Variants in WDR70 observed in about 807,000 individuals in gnomAD.
The protein encoded by WDR70 is WD repeat domain 70.
WDR70 carries 53 observed loss-of-function variants against 88.6 expected under a neutral mutation model. The ratio of observed to expected loss-of-function variants is 0.60; its 90% confidence interval spans 0.48 to 0.75. The LOEUF is 0.75. WDR70 is among the 30% of genes least tolerant of loss of function. The pLI, the probability that WDR70 is intolerant of heterozygous loss-of-function variation, is 0.00. For synonymous variants in WDR70, 280 were observed against 270.0 expected, an observed-to-expected ratio of 1.04 and a Z score of -0.36; for missense variants, 610 against 823.2, an observed-to-expected ratio of 0.74 and a Z score of 3.17.
rs3776596 is a variant in WDR70, at chr5:37,437,736, C to T, written c.493-186C>T. On this transcript the variant is annotated intron_variant, in intron 5 of 17. Transcript: ENST00000265107. ...TTTAAAATCAGTTTATCATCAGAGA[C>T]CCATTGTAGTGTATCTAGAAGTGTA... Among the ~76,000 whole-genome samples the T allele has an allele frequency of 4.6e-5, 7 of 152,090 alleles. No individual in the cohort carries two copies. In the East Asian group the frequency reaches 1.3e-3, roughly 29 times the overall value.
Position 37,717,993 on chromosome 5 carries a change from G to C in WDR70, c.1417-3122G>C, listed in dbSNP as rs4443441. On this transcript the variant is annotated intron_variant, in intron 13 of 17. Coordinates refer to ENST00000265107, the MANE Select transcript of WDR70 (RefSeq NM_018034.4). ...CCTTAAGTATCCTCTGCCTAAATCAGATTGCTCACTGGCCTCTCATTTGCT... is the reference window on the plus strand; with the variant it reads ...CCTTAAGTATCCTCTGCCTAAATCACATTGCTCACTGGCCTCTCATTTGCT... Among the ~76,000 whole-genome samples the C allele has an allele frequency of 2.6e-5, 4 of 152,186 alleles. No individual in the cohort carries two copies. In the South Asian group the frequency reaches 8.3e-4, roughly 31 times the overall value.
At chr5:37,703,948 G>A (rs1463944594) in intron 13 of WDR70, among the ~76,000 whole-genome samples, 3 of 152,120 alleles carry the variant, frequency 2.0e-5, no homozygotes, top group Non-Finnish European at 4.4e-5. Context: ...TTTGTAAACA[G>A]TTGAGACATA....
Position 37,557,232 on chromosome 5 carries a change from GA to G in WDR70, c.917+40657del, listed in dbSNP as rs11372077. Among the ~76,000 whole-genome samples, 331 of 123,800 alleles carry G rather than the reference GA, an allele frequency of 2.7e-3. 1 individual carries two copies. Among genetic ancestry groups the G allele is most frequent in the African/African-American group, 5.9e-3 (217 of 36,730 alleles). 81.2% of individuals were successfully genotyped at this position (123,800 alleles called of 152,430 possible). On this transcript the variant is annotated intron_variant, in intron 9 of 17. Coordinates refer to ENST00000265107, the MANE Select transcript of WDR70 (RefSeq NM_018034.4). The stretch of plus-strand genomic sequence containing the variant: ...ATCTGTGAAGTTCATTTAAAAAAAT[GA>G]AAAAAAAAAAAAAAGGTTAGCAAAA...
chr5:37,589,287 C>T (rs1034766774), intron 9 of WDR70, among the ~76,000 whole-genome samples: 4 of 144,930 alleles, frequency 2.8e-5, no homozygotes, highest in African/African-American at 7.9e-5. Context: ...CACACACACA[C>T]GATATATTTA....
intron 7 of WDR70, among the ~76,000 whole-genome samples, chr5:37,462,587 C>A (rs1482597248): frequency 1.3e-5 from 2 of 152,188 alleles, no homozygotes; most frequent in Non-Finnish European, 2.9e-5. Context: ...CAGGCGTGAG[C>A]CACCGCACCC....
At chr5:37,640,745 A>G (rs1745081703) in intron 10 of WDR70, among the ~76,000 whole-genome samples, 1 of 152,242 alleles carries the variant, frequency 6.6e-6, no homozygotes, top group South Asian at 2.1e-4. Context: ...AAATTAAAGA[A>G]ACAAGTTTGG....
At chr5:37,574,223 A>G (rs1470783703) in intron 9 of WDR70, among the ~76,000 whole-genome samples, 1 of 152,118 alleles carries the variant, frequency 6.6e-6, no homozygotes, top group East Asian at 1.9e-4. Flanking sequence ...AGGTCATACT[A>G]CCCACAGTGT....
intron 10 of WDR70, among the ~76,000 whole-genome samples, chr5:37,689,085 A>G (rs1176981106): frequency 1.3e-5 from 2 of 152,040 alleles, no homozygotes; most frequent in Non-Finnish European, 1.5e-5. Flanking sequence ...GCTCACTGCT[A>G]GCGCAGCAGT....
At chr5:37,457,171 C>T (rs747547057) in intron 7 of WDR70, among the ~76,000 whole-genome samples, 1 of 152,054 alleles carries the variant, frequency 6.6e-6, no homozygotes, top group Non-Finnish European at 1.5e-5. Flanking sequence ...TCTTGGCTCA[C>T]CACAACCTCC....
At chr5:37,604,075 A>C (rs1274857181) in intron 9 of WDR70, among the ~76,000 whole-genome samples, 2 of 152,150 alleles carry the variant, frequency 1.3e-5, no homozygotes, top group Non-Finnish European at 2.9e-5. Context: ...AATGCATTTT[A>C]CATTTACTTT....
intron 9 of WDR70, among the ~76,000 whole-genome samples, chr5:37,518,978 C>T (rs906608169): frequency 2.0e-5 from 3 of 152,122 alleles, no homozygotes; most frequent in African/African-American, 4.8e-5. Flanking sequence ...TGACACAGCA[C>T]ATGTTTCAGA....
intron 8 of WDR70, among the ~76,000 whole-genome samples, chr5:37,489,597 A>G (rs1739999842): frequency 1.3e-5 from 2 of 151,968 alleles, no homozygotes; most frequent in African/African-American, 4.8e-5. Context: ...TTTAGATGGC[A>G]TGCTTAGGCA....
chr5:37,443,082 A>G (rs889486246), intron 6 of WDR70, among the ~76,000 whole-genome samples, 157 bp from the exon 7 acceptor site: 15 of 152,262 alleles, frequency 9.9e-5, no homozygotes, highest in African/African-American at 3.4e-4. Flanking sequence ...ATGGAAGGCA[A>G]CCATCCATTC....
intron 8 of WDR70, among the ~76,000 whole-genome samples, chr5:37,509,789 CTT>C (rs772468754): frequency 1.6e-4 from 21 of 129,100 alleles, no homozygotes; most frequent in Admixed American, 1.5e-4. Flanking sequence ...CCTATAGATT[CTT>C]TTTTTTTTTT....
Position 37,505,703 on chromosome 5 carries a change from C to T in WDR70, c.841-10811C>T, listed in dbSNP as rs564180093. The T allele has an allele frequency of 1.6e-4, 160 of 989,982 alleles. 1 individual carries two copies. In the African/African-American group the frequency reaches 2.2e-3, roughly 13 times the overall value. The allele number at this position is 989,982 out of a possible 1,614,324, so 61.3% of individuals were successfully genotyped here. On this transcript the variant is annotated intron_variant, in intron 8 of 17. Transcript: ENST00000265107. ...CCTAAAATTCTCATCTGACATTTTG[C>T]GACATGTATAGTGGTGTCAGCATCT...
intron 10 of WDR70, among the ~76,000 whole-genome samples, chr5:37,638,841 A>T (rs1457962316): frequency 2.6e-5 from 4 of 152,224 alleles, no homozygotes; most frequent in Non-Finnish European, 5.9e-5. Context: ...CTGACACCTC[A>T]GACTTCAGAA....
intron 8 of WDR70, among the ~76,000 whole-genome samples, chr5:37,510,849 T>C (rs2886667): frequency 0.26 from 39,763 of 152,116 alleles, 5,805 homozygotes; most frequent in East Asian, 0.48. Flanking sequence ...TGATAAAATA[T>C]AGAATTTGAT....
rs536971456 is a variant in WDR70, at chr5:37,693,712, G to A, written c.1093-3943G>A. ...CCTTATACAAAAATTAATTCAAGAT[G>A]GATTAAAGACTTAAATGTTAGACCT... On this transcript the variant is annotated intron_variant, in intron 10 of 17. Coordinates refer to ENST00000265107, the MANE Select transcript of WDR70 (RefSeq NM_018034.4). Among the ~76,000 whole-genome samples the A allele has an allele frequency of 8.1e-3, 1,228 of 152,128 alleles. 11 individuals are homozygous for A. The highest frequency in any genetic ancestry group is 0.027 in the Middle Eastern group (8 of 294).
intron 9 of WDR70, among the ~76,000 whole-genome samples, chr5:37,542,848 A>G (rs778727751): frequency 2.6e-5 from 4 of 152,192 alleles, no homozygotes; most frequent in Admixed American, 6.5e-5. Flanking sequence ...TATGACCACA[A>G]TTCTTCATCT....
Sources: gnomAD v4.1 joint callset for allele counts (sites outside exome capture counted in the v4.1 genomes callset) on GRCh38, gnomAD v4.1.1 for gene constraint, MANE v1.5 for transcripts, NCBI Gene and HGNC (gene_info 2026-07-23, HGNC 2026-07-21) for gene names.